Variants in SCN11A observed in about 807,000 individuals in gnomAD.
SCN11A encodes sodium channel protein type 11 subunit alpha.
Under a neutral mutation model 162.2 loss-of-function variants are expected in SCN11A, and 122 were observed. The observed-to-expected ratio is 0.75, with a 90% confidence interval of 0.65 to 0.87. The LOEUF is 0.87. SCN11A is among the 40% of genes least tolerant of loss of function. SCN11A has a pLI of 0.00. For synonymous variants in SCN11A, 758 were observed against 751.5 expected, an observed-to-expected ratio of 1.01 and a Z score of -0.14; for missense variants, 2,015 against 2,181.6, an observed-to-expected ratio of 0.92 and a Z score of 1.52.
Position 39,051,852 on chromosome 3 carries a change from T to C in SCN11A, c.-404+9A>G, listed in dbSNP as rs563781546. 5.4e-4 allele frequency: 379 copies of C among 697,522 alleles called. 1 individual carries two copies. The highest frequency in any genetic ancestry group is 8.4e-4 in the Non-Finnish European group (344 of 407,884). The allele number at this position is 697,522 out of a possible 1,614,324, so 43.2% of individuals were successfully genotyped here. On this transcript the variant is annotated intron_variant, in intron 1 of 29. Transcript: ENST00000302328. The stretch of plus-strand genomic sequence containing the variant: ...CTTGCACAGTGGTTTTGTTTTTAGG[T>C]GCATCTACCTCATCACATGGCTACC...
chr3:38,908,300 T>C (rs2065833245), intron 13 of SCN11A, among the ~76,000 whole-genome samples, 178 bp from the exon 14 acceptor site: 3 of 152,154 alleles, frequency 2.0e-5, no homozygotes, highest in Admixed American at 1.3e-4. Flanking sequence ...ACATGTCCTG[T>C]TTTTGCACAG....
intron 2 of SCN11A, among the ~76,000 whole-genome samples, chr3:38,973,509 G>A (rs549708934): frequency 6.6e-6 from 1 of 152,212 alleles, no homozygotes; most frequent in African/African-American, 2.4e-5. Flanking sequence ...AAACTGTGGT[G>A]CTTAAAGAAG....
intron 6 of SCN11A, among the ~76,000 whole-genome samples, chr3:38,945,772 C>T (rs2066507347): frequency 6.6e-6 from 1 of 152,156 alleles, no homozygotes; most frequent in South Asian, 2.1e-4. Flanking sequence ...CAAAGTGGGA[C>T]AATTCTGTGG....
rs1177996824 is a variant in SCN11A at position 38,847,538 on chromosome 3, T to C, written c.4532A>G (p.Tyr1511Cys). Residue 1511 changes from tyrosine (Y) to cysteine (C), a missense_variant, in exon 30 of 30, where the codon TAT (tyrosine) becomes TGT (cysteine). Tyr to Cys is a radical substitution (Grantham distance 194). Transcript: ENST00000302328. ...AAACCAGTTCATACCCAGAATGGCA[T>C]AGATAAACATAATCAGAAAGAGTAG... ...GLLLFLIMFI[Y>C]AILGMNWFSK... 2.5e-6 allele frequency: 4 copies of C among 1,614,138 alleles called. No homozygotes were observed. Among genetic ancestry groups the C allele is most frequent in the Middle Eastern group, 1.7e-4 (1 of 6,060 alleles).
At chr3:39,004,424 C>T (rs1025972298) in intron 2 of SCN11A, among the ~76,000 whole-genome samples, 3 of 152,124 alleles carry the variant, frequency 2.0e-5, no homozygotes, top group African/African-American at 7.2e-5. Context: ...GTTACTGTAG[C>T]CCTGTAGTAT....
At chr3:38,935,476 C>A (rs1289916484) in intron 7 of SCN11A, among the ~76,000 whole-genome samples, 1 of 152,032 alleles carries the variant, frequency 6.6e-6, no homozygotes, top group Non-Finnish European at 1.5e-5. Flanking sequence ...TGATAGATCC[C>A]TAGCAAGACT....
intron 7 of SCN11A, among the ~76,000 whole-genome samples, chr3:38,935,982 C>T (rs1263427769): frequency 6.6e-6 from 1 of 152,312 alleles, no homozygotes; most frequent in African/African-American, 2.4e-5. Context: ...AAAATACTGA[C>T]AAACTGAGTC....
rs138422658 is a variant in SCN11A, at chr3:38,931,754, G to A, written c.489-4823C>T. On this transcript the variant is annotated intron_variant, in intron 7 of 29. Transcript: ENST00000302328. ...CTCCCCACCAGAGGTACAAACAGCT[G>A]CTAGCCAGCTTTCACCATCATACCT... is the stretch of plus-strand genomic sequence containing the variant. Among the ~76,000 whole-genome samples the A allele has an allele frequency of 2.0e-3, 306 of 152,292 alleles. 2 individuals are homozygous for A. The highest frequency in any genetic ancestry group is 7.0e-3 in the African/African-American group (290 of 41,560).
chr3:38,853,762 T>C (rs1466837410), intron 28 of SCN11A, among the ~76,000 whole-genome samples: 1 of 152,240 alleles, frequency 6.6e-6, no homozygotes, highest in Non-Finnish European at 1.5e-5. Flanking sequence ...TCTTTCATCC[T>C]GCTTTCCCTG....
intron 9 of SCN11A, among the ~76,000 whole-genome samples, chr3:38,921,493 C>A (rs1291787158): frequency 6.6e-6 from 1 of 152,144 alleles, no homozygotes; most frequent in Non-Finnish European, 1.5e-5. Context: ...CTGCCCTATG[C>A]CTGCCTCAGT....
chr3:38,866,219 T>C (rs60778020), intron 27 of SCN11A, among the ~76,000 whole-genome samples: 6,491 of 152,058 alleles, frequency 0.043, 272 homozygotes, highest in East Asian at 0.16. Flanking sequence ...TTTTTTTTTT[T>C]TCTCTTTTTC....
chr3:38,883,283 A>T lies in SCN11A; in HGVS notation c.3169T>A (p.Trp1057Arg), dbSNP rs1388587955. ...ACAAAGATAATAAAGCTCTCAAACC[A>T]GCTGTGTTTCACTATTTGGTAGCAG... ...KTCYQIVKHSWFESFIIFVIL... is the reference protein window; with the variant it reads ...KTCYQIVKHSRFESFIIFVIL... The change falls in exon 22 of 30, where the codon TGG (tryptophan) becomes AGG (arginine). Residue 1057 changes from tryptophan to arginine, a missense_variant. Trp to Arg is a moderately radical substitution (Grantham distance 101, BLOSUM62 -3). Coordinates refer to ENST00000302328, the MANE Select transcript of SCN11A (RefSeq NM_001349253.2). 6.2e-7 allele frequency: 1 copy of T among 1,614,000 alleles called. No homozygotes were observed. Among genetic ancestry groups the T allele is most frequent in the South Asian group, 1.1e-5 (1 of 91,080 alleles).
At chr3:38,963,404 ATATATATATATATG>A in intron 2 of SCN11A, among the ~76,000 whole-genome samples, 2 of 63,932 alleles carry the variant, frequency 3.1e-5, no homozygotes, top group African/African-American at 1.1e-4. Flanking sequence ...ATATATATAT[ATATATATATATATG>A]ATGGAGATAT....
At chr3:38,880,314 GA>G (rs1181209217) in intron 22 of SCN11A, among the ~76,000 whole-genome samples, 191 bp from the exon 23 acceptor site, 1 of 152,176 alleles carries the variant, frequency 6.6e-6, no homozygotes, top group African/African-American at 2.4e-5. Flanking sequence ...AAAAATGGAA[GA>G]AGGAAAATCT....
At chr3:38,850,371 T>G (rs971890524) in intron 29 of SCN11A, 110 bp downstream of exon 29, 1 of 974,312 alleles carries the variant, frequency 1.0e-6, no homozygotes, top group Non-Finnish European at 1.5e-6. Flanking sequence ...GAAAGTACAC[T>G]TGGCCCAGTT....
intron 19 of SCN11A, among the ~76,000 whole-genome samples, chr3:38,886,898 G>A (rs1295846518): frequency 3.3e-5 from 5 of 152,054 alleles, no homozygotes; most frequent in African/African-American, 7.2e-5. Flanking sequence ...GCTGAGCCTC[G>A]AACTGTGTTT....
intron 2 of SCN11A, among the ~76,000 whole-genome samples, chr3:39,004,940 A>C (rs2125600077): frequency 6.6e-6 from 1 of 152,328 alleles, no homozygotes; most frequent in South Asian, 2.1e-4. Context: ...GAGCATCAGC[A>C]AGCTACTGCC....
At chr3:38,929,130 T>C (rs7434229) in intron 7 of SCN11A, among the ~76,000 whole-genome samples, 119,257 of 145,122 alleles carry the variant, frequency 0.82, 47,720 homozygotes, top group South Asian at 0.88. Flanking sequence ...ACTGGGTCTG[T>C]GCACGCACAC....
intron 23 of SCN11A, among the ~76,000 whole-genome samples, chr3:38,873,832 C>T (rs1393811080): frequency 6.6e-6 from 1 of 152,182 alleles, no homozygotes; most frequent in Admixed American, 6.5e-5. Context: ...TTGCATTTAT[C>T]ACTCTGCACT....
Sources: gnomAD v4.1 joint callset for allele counts (sites outside exome capture counted in the v4.1 genomes callset) on GRCh38, gnomAD v4.1.1 for gene constraint, MANE v1.5 for transcripts, NCBI Gene and HGNC (gene_info 2026-07-23, HGNC 2026-07-21) for gene names.